HOMER1: variants seen among roughly 807,000 people sequenced by gnomAD.
The protein encoded by HOMER1 is homer protein homolog 1.
In HOMER1, 3 loss-of-function variants were observed where a neutral mutation model predicts 48.9. The observed-to-expected ratio is 0.06, with a 90% CI of 0.03 to 0.16. The LOEUF is 0.16. HOMER1 is among the 10% of genes least tolerant of loss of function. The probability of loss-of-function intolerance (pLI) is 1.00; values close to 1 mark genes in which losing one functional copy is unlikely to be tolerated. For synonymous variants in HOMER1, 134 were observed against 146.4 expected (o/e 0.92, Z 0.61); for missense variants, 247 against 411.4 (o/e 0.60, Z 3.46).
intron 1 of HOMER1, among the ~76,000 whole-genome samples, chr5:79,501,349 A>G (rs1181619226): frequency 6.6e-6 from 1 of 152,166 alleles, no homozygotes; most frequent in Non-Finnish European, 1.5e-5. Flanking sequence ...AACATACAAA[A>G]TATGTGTTAA....
chr5:79,469,557 G>A (rs1751563832), intron 1 of HOMER1, among the ~76,000 whole-genome samples: 1 of 152,006 alleles, frequency 6.6e-6, no homozygotes, highest in Non-Finnish European at 1.5e-5. Flanking sequence ...TTTTATGTAT[G>A]GTAGTCATAC....
chr5:79,467,767 T>C (rs751631249), intron 1 of HOMER1, among the ~76,000 whole-genome samples: 11 of 152,186 alleles, frequency 7.2e-5, no homozygotes, highest in Non-Finnish European at 1.2e-4. Flanking sequence ...CATTTTACTT[T>C]ATATAATATA....
intron 1 of HOMER1, among the ~76,000 whole-genome samples, chr5:79,486,937 T>C (rs980933376): frequency 2.0e-5 from 3 of 152,174 alleles, no homozygotes; most frequent in Non-Finnish European, 2.9e-5. Flanking sequence ...GACAGCAAAG[T>C]ACCCTTTGAG....
chr5:79,499,591 T>C (rs990363101), intron 1 of HOMER1, among the ~76,000 whole-genome samples: 5 of 152,186 alleles, frequency 3.3e-5, no homozygotes, highest in African/African-American at 1.2e-4. Context: ...GCATAAAATA[T>C]ATGTAGATTC....
intron 5 of HOMER1, among the ~76,000 whole-genome samples, chr5:79,424,425 A>T (rs1190959853): frequency 1.1e-4 from 16 of 152,070 alleles, no homozygotes; most frequent in Non-Finnish European, 1.5e-5. Context: ...TTATACAAGG[A>T]TATGCATCGA....
intron 1 of HOMER1, among the ~76,000 whole-genome samples, chr5:79,482,337 AG>A: frequency 6.6e-6 from 1 of 152,366 alleles, no homozygotes; most frequent in South Asian, 2.1e-4. Context: ...TTCAATAAAC[AG>A]AAACACACCC....
intron 4 of HOMER1, among the ~76,000 whole-genome samples, chr5:79,440,452 C>A (rs1377275396): frequency 6.6e-6 from 1 of 152,178 alleles, no homozygotes; most frequent in African/African-American, 2.4e-5. Context: ...CACATTATCA[C>A]TTAACTATTT....
intron 5 of HOMER1, among the ~76,000 whole-genome samples, chr5:79,438,575 T>C (rs1197365754): frequency 6.6e-6 from 1 of 152,228 alleles, no homozygotes; most frequent in African/African-American, 2.4e-5. Context: ...TCAAAGACTA[T>C]GATAAAGCTT....
chr5:79,449,170 G>T (rs1305950469), intron 3 of HOMER1, among the ~76,000 whole-genome samples: 2 of 152,194 alleles, frequency 1.3e-5, no homozygotes, highest in African/African-American at 4.8e-5. Flanking sequence ...AATAATCCAT[G>T]ATTTAGTTCT....
intron 1 of HOMER1, among the ~76,000 whole-genome samples, chr5:79,512,105 A>C (rs775137085): frequency 1.8e-4 from 21 of 118,930 alleles, no homozygotes; most frequent in Admixed American, 3.4e-4. Flanking sequence ...GATACTGTTA[A>C]CTCAAACTGA....
intron 1 of HOMER1, among the ~76,000 whole-genome samples, chr5:79,458,767 T>A (rs1434991453): frequency 2.0e-5 from 3 of 152,168 alleles, no homozygotes; most frequent in African/African-American, 7.2e-5. Flanking sequence ...TGCCACTATA[T>A]ATGGATTCAT....
chr5:79,412,921 G>C (rs538948490), intron 5 of HOMER1, among the ~76,000 whole-genome samples: 1 of 152,304 alleles, frequency 6.6e-6, no homozygotes, highest in East Asian at 1.9e-4. Context: ...TGGAAAGGGA[G>C]AAAGTTTCAG....
intron 8 of HOMER1, among the ~76,000 whole-genome samples, chr5:79,395,186 GTAAGT>G (rs1290060816): frequency 6.6e-6 from 1 of 152,158 alleles, no homozygotes; most frequent in Non-Finnish European, 1.5e-5. Context: ...TAGAGCTAAT[GTAAGT>G]TAAGTGCTTA....
At position 79,490,778 on chromosome 5, in the gene HOMER1, AAAC is replaced by A. The variant is rs1479191458; in HGVS notation, c.5+21989_5+21991del. Among the ~76,000 whole-genome samples, 84 of 147,420 alleles carry A rather than the reference AAAC, an allele frequency of 5.7e-4. 2 individuals carry two copies. Among genetic ancestry groups the A allele is most frequent in the African/African-American group, 2.1e-3 (83 of 39,752 alleles). On this transcript the variant is annotated intron_variant, in intron 1 of 8. Coordinates refer to ENST00000334082, the MANE Select transcript of HOMER1 (RefSeq NM_004272.5). ...AAGACCCCATCTCTACCAAAAAAAA[AAAC>A]AAAAAAAAAAACCATAAAAAAATTA...
chr5:79,493,879 G>T (rs967540149), intron 1 of HOMER1, among the ~76,000 whole-genome samples: 1 of 152,208 alleles, frequency 6.6e-6, no homozygotes, highest in African/African-American at 2.4e-5. Context: ...TAAAGGAGAA[G>T]CAGACACATT....
At chr5:79,419,180 T>TA (rs1750030995) in intron 5 of HOMER1, among the ~76,000 whole-genome samples, 1 of 152,196 alleles carries the variant, frequency 6.6e-6, no homozygotes, top group Admixed American at 6.5e-5. Flanking sequence ...CTTTACATTG[T>TA]AGAGATGGAT....
At chr5:79,490,915 A>C (rs1401267585) in intron 1 of HOMER1, among the ~76,000 whole-genome samples, 1 of 151,536 alleles carries the variant, frequency 6.6e-6, no homozygotes, top group Non-Finnish European at 1.5e-5. Flanking sequence ...ACAGAGCAAG[A>C]CCCTGTCTCT....
At chr5:79,470,894 C>T (rs981263991) in intron 1 of HOMER1, among the ~76,000 whole-genome samples, 1 of 152,120 alleles carries the variant, frequency 6.6e-6, no homozygotes, top group Non-Finnish European at 1.5e-5. Context: ...TAAGTGGATA[C>T]TGTATAAAAA....
rs137892698 is a variant in HOMER1, at chr5:79,413,327, T to C, written c.528-11272A>G. On this transcript the variant is annotated intron_variant, in intron 5 of 8. Coordinates refer to ENST00000334082, the MANE Select transcript of HOMER1 (RefSeq NM_004272.5). ...CAAGAGAAATACAAGTGCAAACATA[T>C]CCTGTATCACATGTATTAGTCATAC... Among the ~76,000 whole-genome samples, 512 of 152,278 alleles carry C rather than the reference T, an allele frequency of 3.4e-3. 10 individuals are homozygous for C. Among genetic ancestry groups the C allele is most frequent in the African/African-American group, 0.012 (484 of 41,544 alleles).
Sources: allele counts gnomAD v4.1 joint callset (sites outside exome capture counted in the v4.1 genomes callset), GRCh38; gene constraint gnomAD v4.1.1; transcripts MANE v1.5; gene names NCBI Gene and HGNC (gene_info 2026-07-23, HGNC 2026-07-21).